The following TENM1 variants were observed in gnomAD, a reference collection of about 807,000 sequenced individuals.
TENM1 encodes teneurin transmembrane protein 1.
Under a neutral mutation model 174.8 loss-of-function variants are expected in TENM1, and 35 were observed. The observed-to-expected ratio is 0.20, with a 90% CI of 0.15 to 0.27. TENM1 has a LOEUF of 0.27. TENM1 is among the 10% of genes least tolerant of loss of function. The pLI is 1.00. For synonymous variants in TENM1, 781 were observed against 798.7 expected (o/e 0.98, Z 0.37); for missense variants, 1,633 against 2,130.1 (o/e 0.77, Z 4.59).
intron 15 of TENM1, among the ~76,000 whole-genome samples, chrX:124,542,220 C>T (rs910025240): frequency 2.7e-5 from 3 of 112,228 alleles, no homozygotes; most frequent in African/African-American, 9.7e-5. Flanking sequence ...TGTTTTAATC[C>T]ATTACTTGGA....
chrX:124,903,745 T>C (rs2057700502), intron 1 of TENM1, among the ~76,000 whole-genome samples: 1 of 111,761 alleles, frequency 8.9e-6, no homozygotes, highest in Non-Finnish European at 1.9e-5. Context: ...CTAGAAAAGA[T>C]GGTGGGAGGT....
chrX:124,539,756 G>T (rs1239856430), intron 15 of TENM1, among the ~76,000 whole-genome samples: 1 of 111,129 alleles, frequency 9.0e-6, no homozygotes, highest in Admixed American at 9.6e-5. Flanking sequence ...AAATGTCAAA[G>T]GATGATGAAA....
In TENM1 at chrX:124,923,883, T is replaced by C. The variant is rs777512950; in HGVS notation, c.218-27642A>G. Among the ~76,000 whole-genome samples, 10 of 112,238 alleles carry C rather than the reference T, an allele frequency of 8.9e-5. No homozygotes were observed. The South Asian group carries it at 3.7e-3, about 41-fold the overall frequency. On this transcript the variant is annotated intron_variant, in intron 1 of 31. Transcript: ENST00000422452. ...AGAGCTTTCAGAAAGGAATAGAGCC[T>C]TGCTGATATCTTGATTTTAGCCTGG...
chrX:124,962,555 C>G (rs1365432959), intron 1 of TENM1, among the ~76,000 whole-genome samples: 2 of 112,225 alleles, frequency 1.8e-5, no homozygotes, highest in Non-Finnish European at 3.8e-5. Flanking sequence ...CGCGGTGGCT[C>G]ATGCCTATAA....
intron 1 of TENM1, among the ~76,000 whole-genome samples, chrX:124,926,229 T>C (rs775937660): frequency 8.9e-6 from 1 of 112,100 alleles, no homozygotes; most frequent in Non-Finnish European, 1.9e-5. Flanking sequence ...CAGATGCAAG[T>C]TGCAATTCTA....
intron 6 of TENM1, among the ~76,000 whole-genome samples, chrX:124,654,102 T>C (rs1569368313): frequency 8.9e-6 from 1 of 112,115 alleles, no homozygotes; most frequent in Non-Finnish European, 1.9e-5. Flanking sequence ...AGGCAGTTGT[T>C]GCTCTCAAGG....
At chrX:125,047,951 AG>A in the TENM1 span, among the ~76,000 whole-genome samples, 48 of 111,333 alleles carry the variant, frequency 4.3e-4, no homozygotes, top group Non-Finnish European at 5.8e-4. Context: ...CAGGAGGAAA[AG>A]TAGTAGCTTC....
At chrX:124,524,276 C>G (rs2047923732) in intron 16 of TENM1, among the ~76,000 whole-genome samples, 1 of 111,962 alleles carries the variant, frequency 8.9e-6, no homozygotes, top group Non-Finnish European at 1.9e-5. Flanking sequence ...CTAAAGATAA[C>G]AGAAAGATGA....
At chrX:124,815,663 G>T (rs916296671) in intron 3 of TENM1, among the ~76,000 whole-genome samples, 6 of 110,439 alleles carry the variant, frequency 5.4e-5, no homozygotes, top group Non-Finnish European at 1.1e-4. Context: ...AATAATAACA[G>T]AATCTCTGTT....
intron 21 of TENM1, among the ~76,000 whole-genome samples, chrX:124,483,490 C>G (rs1397203190): frequency 9.0e-6 from 1 of 111,661 alleles, no homozygotes; most frequent in Non-Finnish European, 1.9e-5. Flanking sequence ...TTCCTTCTTT[C>G]CACCATTTCC....
intron 1 of TENM1, among the ~76,000 whole-genome samples, chrX:124,941,361 C>T (rs143167640): frequency 0.06 from 6,636 of 111,479 alleles, 437 homozygotes; most frequent in African/African-American, 0.2. Context: ...TCTATAATAC[C>T]ACTTGTCTTG....
At chrX:124,461,113 C>G (rs1379895082) in intron 22 of TENM1, among the ~76,000 whole-genome samples, 1 of 112,219 alleles carries the variant, frequency 8.9e-6, no homozygotes, top group Non-Finnish European at 1.9e-5. Context: ...TACTCAAGAC[C>G]TTCCATGTGG....
At chrX:124,691,778 ATTTCC>A (rs2052529738) in intron 5 of TENM1, among the ~76,000 whole-genome samples, 1 of 107,953 alleles carries the variant, frequency 9.3e-6, no homozygotes, top group South Asian at 4.0e-4. Context: ...TATCTTTCTT[ATTTCC>A]TTTCTTGTGT....
At chrX:125,144,492 C>A in the TENM1 span, among the ~76,000 whole-genome samples, 1 of 111,548 alleles carries the variant, frequency 9.0e-6, no homozygotes, top group Admixed American at 9.6e-5. Flanking sequence ...CATTTCATGG[C>A]TCTTTTGTTC....
chrX:124,987,129 A>G, the TENM1 span, among the ~76,000 whole-genome samples: 1 of 111,566 alleles, frequency 9.0e-6, no homozygotes. Flanking sequence ...TTAGCTCTCA[A>G]TAATTTATTT....
At chrX:125,166,612 T>C in the TENM1 span, among the ~76,000 whole-genome samples, 1 of 111,565 alleles carries the variant, frequency 9.0e-6, no homozygotes. Context: ...ACCAAAAATA[T>C]TTGGATGTGA....
chrX:124,644,029 A>G (rs923679698), intron 10 of TENM1, among the ~76,000 whole-genome samples: 8 of 96,766 alleles, frequency 8.3e-5, no homozygotes, highest in African/African-American at 3.1e-4. Flanking sequence ...TGCCATTTAT[A>G]TATAATATAA....
At chrX:125,069,895 C>T in the TENM1 span, among the ~76,000 whole-genome samples, 1 of 111,642 alleles carries the variant, frequency 9.0e-6, no homozygotes, top group Non-Finnish European at 1.9e-5. Context: ...TCTGCATCCA[C>T]ATCAATGCCT....
At chrX:124,904,003 C>CTTGTGTATT (rs2057705561) in intron 1 of TENM1, among the ~76,000 whole-genome samples, 1 of 111,172 alleles carries the variant, frequency 9.0e-6, no homozygotes, top group Non-Finnish European at 1.9e-5. Context: ...TCCAGGTATA[C>CTTGTGTATT]TTGTGTATTT....
Sources: allele counts gnomAD v4.1 joint callset (sites outside exome capture counted in the v4.1 genomes callset), GRCh38; gene constraint gnomAD v4.1.1; transcripts MANE v1.5; gene names NCBI Gene and HGNC (gene_info 2026-07-23, HGNC 2026-07-21).